Variants in NIPAL1 observed in about 807,000 individuals in gnomAD.
NIPAL1 encodes magnesium transporter NIPA3.
NIPAL1 carries 35 observed loss-of-function variants against 37.7 expected under a neutral mutation model. The observed-to-expected ratio is 0.93, with a 90% CI of 0.71 to 1.23. The LOEUF (loss-of-function observed/expected upper bound fraction) is 1.23, where lower values mean the gene tolerates loss of function less well. NIPAL1 is among the 50% of genes most tolerant of loss of function. NIPAL1 has a pLI of 0.00. For synonymous variants in NIPAL1, 162 were observed against 183.0 expected, an observed-to-expected ratio of 0.89 and a Z score of 0.93; for missense variants, 412 against 473.9, an observed-to-expected ratio of 0.87 and a Z score of 1.21.
chr4:48,036,773 C>A lies in NIPAL1; in HGVS notation c.*601C>A, dbSNP rs1380705085. On this transcript the variant is annotated 3_prime_UTR_variant, in exon 6 of 6. Transcript: ENST00000295461. ...CGAGACCCTGTCTCTACAAAAAATA[C>A]AAAAATTAGCCAGGCGTGGTGGCAC... The A allele has an allele frequency of 6.5e-6, 1 of 152,810 alleles. No homozygotes were observed. The highest frequency in any genetic ancestry group is 1.5e-5 in the Non-Finnish European group (1 of 68,564). The allele number at this position is 152,810 out of a possible 1,614,324, so 9.5% of individuals were successfully genotyped here. A position where few individuals can be genotyped will look rare whatever the true frequency, so the allele number is the denominator to read the frequency against.
Position 48,016,890 on chromosome 4 carries a change from G to T in NIPAL1, c.46+5G>T. 6.3e-7 allele frequency: 1 copy of T among 1,597,180 alleles called. No individual in the cohort carries two copies. Among genetic ancestry groups the T allele is most frequent in the Non-Finnish European group, 8.5e-7 (1 of 1,173,774 alleles). On this transcript the variant is annotated splice_donor_5th_base_variant and intron_variant, in intron 1 of 5. Coordinates refer to ENST00000295461, the MANE Select transcript of NIPAL1 (RefSeq NM_207330.3). ...CCGGAGAGCCCTGCCGAGAAGGTTT[G>T]TGTCTGCCCTGAGCCGAGGGACCTG...
At chr4:48,021,314 C>CA (rs373469228) in intron 1 of NIPAL1, among the ~76,000 whole-genome samples, 49,230 of 151,924 alleles carry the variant, frequency 0.32, 8,257 homozygotes, top group South Asian at 0.48. Flanking sequence ...GTCAAAGTCC[C>CA]TCATTTTACA....
intron 1 of NIPAL1, among the ~76,000 whole-genome samples, chr4:48,022,724 A>T (rs529106827): frequency 6.6e-6 from 1 of 152,220 alleles, no homozygotes; most frequent in Admixed American, 6.5e-5. Context: ...TGGGGCTTAG[A>T]TGAGATAAAC....
chr4:48,024,894 T>C (rs550090751), intron 1 of NIPAL1, among the ~76,000 whole-genome samples, 174 bp from the exon 2 acceptor site: 1 of 152,344 alleles, frequency 6.6e-6, no homozygotes, highest in South Asian at 2.1e-4. Flanking sequence ...TAAAAATCTG[T>C]GCAAGCCAAA....
chr4:48,028,385 G>A (rs767362820), intron 2 of NIPAL1, among the ~76,000 whole-genome samples: 15 of 151,974 alleles, frequency 9.9e-5, no homozygotes, highest in Non-Finnish European at 2.1e-4. Flanking sequence ...ATAGAAGAAC[G>A]AAACTGGACC....
intron 4 of NIPAL1, among the ~76,000 whole-genome samples, chr4:48,034,648 A>G (rs1715885915): frequency 6.6e-6 from 1 of 152,226 alleles, no homozygotes; most frequent in East Asian, 1.9e-4. Context: ...AGATCACTGG[A>G]AGATTATGGG....
In NIPAL1 at chr4:48,035,831, C is replaced by G. The variant is rs1175129491; in HGVS notation, c.892C>G (p.Leu298Val). The G allele has an allele frequency of 6.2e-7, 1 of 1,614,026 alleles. No homozygotes were observed. The highest frequency in any genetic ancestry group is 1.3e-5 in the African/African-American group (1 of 74,922). ...ACAGATTAACTATCTCAACAAGGCA[C>G]TGGACACCTTTAATACCTCTCTTGT... ...TTQINYLNKA[L>V]DTFNTSLVTP... is the part of the protein sequence containing the mutation. Residue 298 changes from leucine (L) to valine (V), a missense_variant, in exon 6 of 6, where the codon CTG becomes GTG. Leu to Val is a conservative substitution (Grantham distance 32, BLOSUM62 1). Coordinates refer to ENST00000295461, the MANE Select transcript of NIPAL1 (RefSeq NM_207330.3).
In NIPAL1 at chr4:48,037,061, G is replaced by A; in HGVS notation, c.*889G>A. ...CTAGATAGCTAATTAGTTATTTTAAGAAAAAAGAAATTTAAAAAAAAGCCT... is the reference window on the plus strand; with the variant it reads ...CTAGATAGCTAATTAGTTATTTTAAAAAAAAAGAAATTTAAAAAAAAGCCT... On this transcript the variant is annotated 3_prime_UTR_variant, in exon 6 of 6. Transcript: ENST00000295461. 6.2e-6 allele frequency: 1 copy of A among 160,914 alleles called. No individual in the cohort carries two copies. 10.0% of individuals were successfully genotyped at this position (160,914 alleles called of 1,614,324 possible).
chr4:48,017,817 G>GT (rs1286794876), intron 1 of NIPAL1, among the ~76,000 whole-genome samples: 3 of 151,688 alleles, frequency 2.0e-5, no homozygotes, highest in African/African-American at 7.3e-5. Flanking sequence ...GAAAGGCATG[G>GT]TAAGAACTAC....
chr4:48,034,375 C>T (rs1241293452), intron 4 of NIPAL1, among the ~76,000 whole-genome samples: 1 of 151,876 alleles, frequency 6.6e-6, no homozygotes, highest in Admixed American at 6.6e-5. Context: ...TTATGTGTTG[C>T]CCAAGACAAT....
Position 48,036,139 on chromosome 4 carries a change from T to C in NIPAL1, c.1200T>C (p.Asp400=). 6.2e-7 allele frequency: 1 copy of C among 1,607,234 alleles called. No individual in the cohort carries two copies. Among genetic ancestry groups the C allele is most frequent in the Non-Finnish European group, 8.5e-7 (1 of 1,178,558 alleles). ...NLECSAPGYN[D]DVTLFSRTDD ...AGTGTTCAGCCCCAGGATACAATGA[T>C]GACGTTACCTTGTTTAGTAGAACTG... is the stretch of plus-strand genomic sequence containing the variant. Residue 400 remains aspartate (D), a synonymous_variant, in exon 6 of 6, where the codon GAT becomes GAC. Transcript: ENST00000295461.
chr4:48,037,833 T>C lies in NIPAL1; in HGVS notation c.*1661T>C, dbSNP rs1715988716. On this transcript the variant is annotated 3_prime_UTR_variant, in exon 6 of 6. Transcript: ENST00000295461. The stretch of plus-strand genomic sequence containing the variant: ...TCTTTAATGTGATGGACAGATTTAC[T>C]GTCACTTATTGATTTTATGGAAAAT... 1 of 152,190 alleles carries C rather than the reference T, an allele frequency of 6.6e-6. No homozygotes were observed. The highest frequency in any genetic ancestry group is 6.5e-5 in the Admixed American group (1 of 15,274). 9.4% of individuals were successfully genotyped at this position (152,190 alleles called of 1,614,324 possible). A position where few individuals can be genotyped will look rare whatever the true frequency, so the allele number is the denominator to read the frequency against.
Position 48,037,263 on chromosome 4 carries a change from G to C in NIPAL1, c.*1091G>C. The stretch of plus-strand genomic sequence containing the variant: ...TTTCTTCTCACAAAAACACAGACAC[G>C]TGATTGTTTTCACAGGTTCCATTAA... On this transcript the variant is annotated 3_prime_UTR_variant, in exon 6 of 6. Transcript: ENST00000295461. 2.3e-6 allele frequency: 1 copy of C among 437,324 alleles called. No individual in the cohort carries two copies. The highest frequency in any genetic ancestry group is 1.7e-5 in the South Asian group (1 of 60,480). The allele number at this position is 437,324 out of a possible 1,614,324, so 27.1% of individuals were successfully genotyped here.
At position 48,035,833 on chromosome 4, in the gene NIPAL1, G is replaced by A. The variant is rs868152305; in HGVS notation, c.894G>A (p.Leu298=). The change falls in exon 6 of 6, where the codon CTG becomes CTA. Residue 298 remains leucine, a synonymous_variant. Transcript: ENST00000295461. ...TTQINYLNKA[L]DTFNTSLVTP... ...AGATTAACTATCTCAACAAGGCACT[G>A]GACACCTTTAATACCTCTCTTGTGA... is the stretch of plus-strand genomic sequence containing the variant. The A allele has an allele frequency of 6.2e-7, 1 of 1,614,002 alleles. No individual in the cohort carries two copies. Among genetic ancestry groups the A allele is most frequent in the Non-Finnish European group, 8.5e-7 (1 of 1,180,000 alleles).
Position 48,032,998 on chromosome 4 carries a change from G to T in NIPAL1, c.376G>T (p.Ala126Ser). 1 of 1,612,134 alleles carries T rather than the reference G, an allele frequency of 6.2e-7. No homozygotes were observed. Among genetic ancestry groups the T allele is most frequent in the Non-Finnish European group, 8.5e-7 (1 of 1,178,338 alleles). ...LWWVGLLSMG[A>S]GEAANFAAYA... is the part of the protein sequence containing the mutation. ...TATCTCTGCTTGCTTTCTAGTGGGAGCAGGAGAGGCTGCAAATTTTGCTGC... is the reference window on the plus strand; with the variant it reads ...TATCTCTGCTTGCTTTCTAGTGGGATCAGGAGAGGCTGCAAATTTTGCTGC... The change falls in exon 4 of 6, where the codon GCA becomes TCA. Residue 126 changes from alanine (A) to serine (S), a missense_variant. Ala to Ser is a moderately conservative substitution (Grantham distance 99). Coordinates refer to ENST00000295461, the MANE Select transcript of NIPAL1 (RefSeq NM_207330.3).
At chr4:48,018,035 G>A (rs1169270522) in intron 1 of NIPAL1, among the ~76,000 whole-genome samples, 3 of 151,940 alleles carry the variant, frequency 2.0e-5, no homozygotes, top group African/African-American at 7.3e-5. Context: ...AAAAATGCCT[G>A]AACAATTCAC....
rs1347489479 is a variant in NIPAL1 at position 48,033,049 on chromosome 4, G to A, written c.427G>A (p.Val143Ile). The A allele has an allele frequency of 1.2e-6, 2 of 1,613,890 alleles. No individual in the cohort carries two copies. The highest frequency in any genetic ancestry group is 1.7e-6 in the Non-Finnish European group (2 of 1,179,852). ...AAYAFAPATL[V>I]TPLGALSVLI... ...TTATGCTTTTGCACCTGCCACCTTGGTCACCCCTCTGGGTGCTTTGAGTGT... is the reference window on the plus strand; with the variant it reads ...TTATGCTTTTGCACCTGCCACCTTGATCACCCCTCTGGGTGCTTTGAGTGT... The change falls in exon 4 of 6, where the codon GTC becomes ATC. Residue 143 changes from valine (V) to isoleucine (I), a missense_variant. Coordinates refer to ENST00000295461, the MANE Select transcript of NIPAL1 (RefSeq NM_207330.3).
Position 48,038,513 on chromosome 4 carries a change from C to T in NIPAL1, c.*2341C>T, listed in dbSNP as rs754054270. On this transcript the variant is annotated 3_prime_UTR_variant, in exon 6 of 6. Coordinates refer to ENST00000295461, the MANE Select transcript of NIPAL1 (RefSeq NM_207330.3). ...TGTAAAAAACATCAAGAGGCTGAGT[C>T]AGGAGGATCATTTGAGCTTAGGAGT... The T allele has an allele frequency of 6.6e-6, 1 of 152,078 alleles. No individual in the cohort carries two copies. The highest frequency in any genetic ancestry group is 1.5e-5 in the Non-Finnish European group (1 of 68,036). The allele number at this position is 152,078 out of a possible 1,614,324, so 9.4% of individuals were successfully genotyped here.
At chr4:48,017,699 G>A (rs956398231) in intron 1 of NIPAL1, among the ~76,000 whole-genome samples, 4 of 152,138 alleles carry the variant, frequency 2.6e-5, no homozygotes, top group Non-Finnish European at 4.4e-5. Context: ...GGGGTAGGGG[G>A]AGCGACTGGA....
Sources: allele counts gnomAD v4.1 joint callset (sites outside exome capture counted in the v4.1 genomes callset), GRCh38; gene constraint gnomAD v4.1.1; transcripts MANE v1.5; gene names NCBI Gene and HGNC (gene_info 2026-07-23, HGNC 2026-07-21).